Variants in ATF7IP2 observed in about 807,000 individuals in gnomAD.
ATF7IP2 encodes the protein activating transcription factor 7-interacting protein 2.
ATF7IP2 carries 42 observed loss-of-function variants against 64.2 expected under a neutral mutation model. That is an observed-to-expected ratio of 0.65 (90% CI 0.51 to 0.85). ATF7IP2 has a LOEUF of 0.85. ATF7IP2 is among the 40% of genes least tolerant of loss of function. ATF7IP2 has a pLI of 0.00. For missense variants in ATF7IP2, 933 were observed against 784.2 expected, an observed-to-expected ratio of 1.19 and a Z score of -2.27; for synonymous variants, 308 against 272.8, an observed-to-expected ratio of 1.13 and a Z score of -1.27.
In ATF7IP2 at chr16:10,448,448, G is replaced by C. The variant is rs557139733; in HGVS notation, c.1194+7986G>C. 6 of 152,136 alleles carry C rather than the reference G, an allele frequency of 3.9e-5. No individual in the cohort carries two copies. The East Asian group carries it at 5.8e-4, about 15-fold the overall frequency. The allele number at this position is 152,136 out of a possible 1,614,324, so 9.4% of individuals were successfully genotyped here. ...TATTTGTGGCCTCTCTTATTTCCTT[G>C]AGCAGTGGTTTGTAGTTCTCCTTGA... On this transcript the variant is annotated intron_variant, in intron 8 of 13. Coordinates refer to ENST00000562102, the MANE Select transcript of ATF7IP2 (RefSeq NM_001393719.1).
intron 8 of ATF7IP2, among the ~76,000 whole-genome samples, chr16:10,444,648 G>A (rs1047093648): frequency 6.6e-6 from 1 of 152,188 alleles, no homozygotes; most frequent in African/African-American, 2.4e-5. Context: ...GAGACACTTG[G>A]TCCAAGGCAA....
At chr16:10,411,887 T>G (rs2047767273) in intron 1 of ATF7IP2, among the ~76,000 whole-genome samples, 2 of 151,420 alleles carry the variant, frequency 1.3e-5, no homozygotes, top group Non-Finnish European at 2.9e-5. Flanking sequence ...CCCATTTTGT[T>G]TCTAGTTGAG....
At chr16:10,415,964 G>A (rs1017501762) in intron 2 of ATF7IP2, among the ~76,000 whole-genome samples, 1 of 152,210 alleles carries the variant, frequency 6.6e-6, no homozygotes, top group Non-Finnish European at 1.5e-5. Flanking sequence ...ATGCAGGTGA[G>A]GATGTGTAGA....
chr16:10,475,873 T>C (rs1404814979), intron 12 of ATF7IP2, among the ~76,000 whole-genome samples: 1 of 151,974 alleles, frequency 6.6e-6, no homozygotes, highest in African/African-American at 2.4e-5. Flanking sequence ...TGGAGAACAA[T>C]ACAAGTCTCA....
chr16:10,404,526 C>T (rs568238075), intron 1 of ATF7IP2, among the ~76,000 whole-genome samples: 3 of 152,206 alleles, frequency 2.0e-5, no homozygotes, highest in South Asian at 2.1e-4. Context: ...GGATTATAGG[C>T]GTGAGCCACT....
At position 10,430,825 on chromosome 16, in the gene ATF7IP2, C is replaced by G. The variant is rs1221066554; in HGVS notation, c.205C>G (p.Pro69Ala). ...GACGACTGAAATAACCAAATGTAGC[C>G]CTTCTGAAAATGGTGCATCCTCATT... ...TRTTEITKCS[P>A]SENGASSLDS... The change falls in exon 5 of 14, where the codon CCT becomes GCT. Residue 69 changes from proline (P) to alanine (A), a missense_variant. By Grantham distance (27) the Pro-to-Ala change is conservative. Transcript: ENST00000562102. The G allele has an allele frequency of 6.2e-7, 1 of 1,613,852 alleles. No individual in the cohort carries two copies. The highest frequency in any genetic ancestry group is 8.5e-7 in the Non-Finnish European group (1 of 1,179,862).
rs542933019 is a variant in ATF7IP2, at chr16:10,426,945, C to T, written c.-159-1923C>T. The stretch of plus-strand genomic sequence containing the variant: ...TCGGCTCACTGCAACCTCCATCTCC[C>T]GGGTTCAAGCGATTCTCTTACCTTG... On this transcript the variant is annotated intron_variant, in intron 3 of 13. Transcript: ENST00000562102. Among the ~76,000 whole-genome samples, 72 of 148,080 alleles carry T rather than the reference C, an allele frequency of 4.9e-4. No homozygotes were observed. The South Asian group carries it at 5.9e-3, about 12-fold the overall frequency.
At position 10,473,481 on chromosome 16, in the gene ATF7IP2, A is replaced by G; in HGVS notation, c.1429A>G (p.Thr477Ala). 1.9e-6 allele frequency: 3 copies of G among 1,556,158 alleles called. No individual in the cohort carries two copies. Among genetic ancestry groups the G allele is most frequent in the South Asian group, 2.3e-5 (2 of 87,858 alleles). ...GTCAAATGTCTAATTTCTTTCAGAT[A>G]CCAGAAAAATTACATCAGGAAATTC... ...TTPITSNPTD[T>A]RKITSGNSSN... Residue 477 changes from threonine (T) to alanine (A), a missense_variant and splice_region_variant, in exon 11 of 14, where the codon ACC (threonine) becomes GCC (alanine). Thr to Ala is a moderately conservative substitution (Grantham distance 58). Coordinates refer to ENST00000562102, the MANE Select transcript of ATF7IP2 (RefSeq NM_001393719.1).
chr16:10,409,727 C>A (rs1036288694), intron 1 of ATF7IP2, among the ~76,000 whole-genome samples: 3 of 152,166 alleles, frequency 2.0e-5, no homozygotes, highest in African/African-American at 7.2e-5. Context: ...GCCCAGCCTC[C>A]TTGATCCATC....
intron 1 of ATF7IP2, among the ~76,000 whole-genome samples, chr16:10,393,336 A>C (rs915803083): frequency 6.7e-6 from 1 of 148,312 alleles, no homozygotes; most frequent in Non-Finnish European, 1.5e-5. Context: ...AAAAAAAAAA[A>C]AAAAAAGACA....
Position 10,386,653 on chromosome 16 carries a change from T to A in ATF7IP2, c.-242+531T>A, listed in dbSNP as rs1438270127. ...GTAGGGACCAGAGCATCAGGAAAAA[T>A]ACAAAATTCTGAGTAAAATGCTGAA... On this transcript the variant is annotated intron_variant, in intron 1 of 13. Transcript: ENST00000562102. 7 of 152,094 alleles carry A rather than the reference T, an allele frequency of 4.6e-5. No individual in the cohort carries two copies. The East Asian group carries it at 1.3e-3, about 29-fold the overall frequency. The allele number at this position is 152,094 out of a possible 1,614,324, so 9.4% of individuals were successfully genotyped here.
chr16:10,481,058 A>C, intron 13 of ATF7IP2, 94 bp downstream of exon 13: 1 of 894,864 alleles, frequency 1.1e-6, no homozygotes, highest in Non-Finnish European at 1.8e-6. Flanking sequence ...GTCACATTTC[A>C]GCTTAGACAA....
At chr16:10,428,206 A>G (rs1006700768) in intron 3 of ATF7IP2, among the ~76,000 whole-genome samples, 1 of 152,240 alleles carries the variant, frequency 6.6e-6, no homozygotes, top group Non-Finnish European at 1.5e-5. Flanking sequence ...CAGGTTACTG[A>G]TAGTATTCTA....
At chr16:10,459,103 G>A (rs1332266962) in intron 9 of ATF7IP2, among the ~76,000 whole-genome samples, 1 of 152,094 alleles carries the variant, frequency 6.6e-6, no homozygotes, top group Non-Finnish European at 1.5e-5. Context: ...GGAGGCCGAG[G>A]CGGGCAGATC....
At chr16:10,461,978 T>C (rs768514030) in intron 9 of ATF7IP2, among the ~76,000 whole-genome samples, 3 of 152,102 alleles carry the variant, frequency 2.0e-5, no homozygotes, top group Non-Finnish European at 4.4e-5. Context: ...TTATGGTCCT[T>C]TTCCTCATAT....
chr16:10,401,905 T>C (rs1261113606), intron 1 of ATF7IP2, among the ~76,000 whole-genome samples: 2 of 152,116 alleles, frequency 1.3e-5, no homozygotes, highest in Non-Finnish European at 2.9e-5. Flanking sequence ...ATATAGTTGT[T>C]CATAATAGTC....
intron 1 of ATF7IP2, among the ~76,000 whole-genome samples, chr16:10,401,419 C>T (rs192280844): frequency 3.3e-5 from 5 of 152,296 alleles, no homozygotes; most frequent in Non-Finnish European, 4.4e-5. Context: ...CCGCCCACCT[C>T]GGCCTCCCAC....
At chr16:10,480,552 T>C (rs1231831321) in intron 12 of ATF7IP2, among the ~76,000 whole-genome samples, 1 of 151,632 alleles carries the variant, frequency 6.6e-6, no homozygotes, top group Non-Finnish European at 1.5e-5. Flanking sequence ...TGGCTCTGTG[T>C]TTGTAGACAT....
At chr16:10,424,184 G>A (rs1288283686) in intron 3 of ATF7IP2, among the ~76,000 whole-genome samples, 2 of 152,224 alleles carry the variant, frequency 1.3e-5, no homozygotes, top group African/African-American at 2.4e-5. Flanking sequence ...TGCCCTGGGT[G>A]GGCGAGGTGT....
Sources: gnomAD v4.1 joint callset for allele counts (sites outside exome capture counted in the v4.1 genomes callset) on GRCh38, gnomAD v4.1.1 for gene constraint, MANE v1.5 for transcripts, NCBI Gene and HGNC (gene_info 2026-07-23, HGNC 2026-07-21) for gene names.